The following MAD1L1 variants were observed in gnomAD, a reference collection of about 807,000 sequenced individuals.
MAD1L1 encodes mitotic arrest deficient 1 like 1, also known as mitotic spindle assembly checkpoint protein MAD1.
MAD1L1 carries 95 observed loss-of-function variants against 96.9 expected under a neutral mutation model. The observed-to-expected ratio is 0.98, with a 90% CI of 0.83 to 1.16. The LOEUF is 1.16. Ranked by LOEUF, MAD1L1 falls within the 50% of genes most tolerant of loss-of-function variation. The probability of loss-of-function intolerance (pLI) is 0.00; values close to 1 mark genes in which losing one functional copy is unlikely to be tolerated. For missense variants in MAD1L1, 1,007 were observed against 954.4 expected (o/e 1.06, Z -0.73); for synonymous variants, 473 against 396.6 (o/e 1.19, Z -2.29).
intron 12 of MAD1L1, among the ~76,000 whole-genome samples, chr7:2,033,245 C>A (rs1345818758): frequency 6.6e-6 from 1 of 152,196 alleles, no homozygotes; most frequent in East Asian, 1.9e-4. Context: ...TAACGCACCC[C>A]GGGGGCACAG....
chr7:1,898,794 C>G (rs1787058379), intron 17 of MAD1L1, among the ~76,000 whole-genome samples: 2 of 152,156 alleles, frequency 1.3e-5, no homozygotes, highest in African/African-American at 4.8e-5. Flanking sequence ...TCGCTTGCCC[C>G]AACACTCCGG....
intron 18 of MAD1L1, among the ~76,000 whole-genome samples, chr7:1,897,342 G>A (rs1490566989): frequency 1.3e-5 from 2 of 152,236 alleles, no homozygotes; most frequent in Non-Finnish European, 2.9e-5. Context: ...AGTCCCAGGT[G>A]GGGCCCGTCT....
At chr7:1,988,090 G>C (rs1019729088) in intron 14 of MAD1L1, among the ~76,000 whole-genome samples, 1 of 152,244 alleles carries the variant, frequency 6.6e-6, no homozygotes, top group African/African-American at 2.4e-5. Context: ...TGAGGGAGGG[G>C]AGACCCAGAA....
At chr7:2,069,609 C>T (rs1463198825) in intron 11 of MAD1L1, among the ~76,000 whole-genome samples, 2 of 152,248 alleles carry the variant, frequency 1.3e-5, no homozygotes, top group Non-Finnish European at 2.9e-5. Flanking sequence ...TTGTCGGCGA[C>T]GCAGCCCTTC....
At chr7:1,941,485 C>T (rs1442019817) in intron 16 of MAD1L1, among the ~76,000 whole-genome samples, 2 of 152,260 alleles carry the variant, frequency 1.3e-5, no homozygotes, top group African/African-American at 2.4e-5. Context: ...TCTTCTTAAA[C>T]ACCAATCCTG....
intron 10 of MAD1L1, among the ~76,000 whole-genome samples, chr7:2,209,681 C>T (rs1792797687): frequency 6.6e-6 from 1 of 152,198 alleles, no homozygotes; most frequent in Non-Finnish European, 1.5e-5. Context: ...CTCCTCCACA[C>T]CCACGGGGCC....
At chr7:2,202,589 C>T (rs1053071329) in intron 10 of MAD1L1, among the ~76,000 whole-genome samples, 4 of 152,222 alleles carry the variant, frequency 2.6e-5, no homozygotes, top group African/African-American at 9.6e-5. Flanking sequence ...GCCATGCTCA[C>T]ACAAGTAGCC....
chr7:2,004,796 C>T (rs1273735823), intron 13 of MAD1L1, among the ~76,000 whole-genome samples: 3 of 152,226 alleles, frequency 2.0e-5, no homozygotes, highest in Non-Finnish European at 4.4e-5. Flanking sequence ...AGCCTGAGGC[C>T]GAGGCGTCCA....
intron 17 of MAD1L1, among the ~76,000 whole-genome samples, chr7:1,916,832 C>A (rs1788432965): frequency 6.6e-6 from 1 of 152,184 alleles, no homozygotes. Flanking sequence ...CCGGGCACCC[C>A]CATTTGCCTA....
intron 3 of MAD1L1, among the ~76,000 whole-genome samples, chr7:2,226,425 A>G (rs559802691): frequency 5.4e-5 from 8 of 149,482 alleles, no homozygotes; most frequent in East Asian, 2.0e-4. Context: ...GCCACACAGG[A>G]CTAGTGATTA....
intron 18 of MAD1L1, among the ~76,000 whole-genome samples, chr7:1,855,059 T>G (rs1419597420): frequency 6.6e-6 from 1 of 152,190 alleles, no homozygotes; most frequent in Non-Finnish European, 1.5e-5. Context: ...CATCGGCGGC[T>G]GGGAGTTTTC....
intron 15 of MAD1L1, among the ~76,000 whole-genome samples, chr7:1,979,525 G>A (rs566743419): frequency 4.6e-5 from 7 of 152,384 alleles, no homozygotes; most frequent in Admixed American, 2.0e-4. Context: ...GCACCAAAGC[G>A]GAGCCCGGAG....
intron 11 of MAD1L1, among the ~76,000 whole-genome samples, chr7:2,123,422 TGCAGGACG>T (rs1373501969): frequency 6.6e-6 from 1 of 150,858 alleles, no homozygotes; most frequent in African/African-American, 2.4e-5. Flanking sequence ...TGGGCTGGGG[TGCAGGACG>T]GAGAGAGGGC....
intron 10 of MAD1L1, among the ~76,000 whole-genome samples, chr7:2,171,399 A>G (rs1401049188): frequency 3.3e-5 from 5 of 152,194 alleles, no homozygotes; most frequent in Non-Finnish European, 7.3e-5. Context: ...CCCCACAAAG[A>G]TTCCTCAACC....
In MAD1L1 at chr7:1,939,005, A is replaced by G. The variant is rs1018909125; in HGVS notation, c.1597-2108T>C. Among the ~76,000 whole-genome samples the G allele has an allele frequency of 6.2e-5, 8 of 129,330 alleles. No individual in the cohort carries two copies. In the South Asian group the frequency reaches 8.5e-4, roughly 14 times the overall value. 84.8% of individuals were successfully genotyped at this position (129,330 alleles called of 152,430 possible). A position where few individuals can be genotyped will look rare whatever the true frequency, so the allele number is the denominator to read the frequency against. ...ACCAGAGGCGCACACACACGCACAC[A>G]CACACACACACACACACATGGGCCA... On this transcript the variant is annotated intron_variant, in intron 16 of 18. Transcript: ENST00000265854.
chr7:1,910,343 C>T (rs1340288849), intron 17 of MAD1L1, among the ~76,000 whole-genome samples: 2 of 152,230 alleles, frequency 1.3e-5, no homozygotes, highest in African/African-American at 2.4e-5. Context: ...CAGAAAGATG[C>T]CTGCAGGAGG....
At position 1,816,179 on chromosome 7, in the gene MAD1L1, G is replaced by A; in HGVS notation, c.2048C>T (p.Ser683Leu). 6.2e-7 allele frequency: 1 copy of A among 1,613,474 alleles called. No homozygotes were observed. Among genetic ancestry groups the A allele is most frequent in the Non-Finnish European group, 8.5e-7 (1 of 1,179,878 alleles). ...CTCGATGAGCTCGCCCACGGTGTGT[G>A]AGAACTCTGTCTCCAGTAGCTGCAT... ...SKMQLLETEF[S>L]HTVGELIEVH... The change falls in exon 19 of 19, where the codon TCA becomes TTA. Residue 683 changes from serine (S) to leucine (L), a missense_variant. Ser to Leu is a moderately radical substitution (Grantham distance 145, BLOSUM62 -2). Coordinates refer to ENST00000265854, the MANE Select transcript of MAD1L1 (RefSeq NM_001013836.2).
intron 11 of MAD1L1, among the ~76,000 whole-genome samples, chr7:2,070,950 G>C (rs1280876338): frequency 6.6e-6 from 1 of 152,088 alleles, no homozygotes; most frequent in Non-Finnish European, 1.5e-5. Context: ...CTTCATCCTG[G>C]GGCTGGTGGA....
At chr7:1,880,122 T>C (rs971325925) in intron 18 of MAD1L1, among the ~76,000 whole-genome samples, 6 of 152,212 alleles carry the variant, frequency 3.9e-5, no homozygotes, top group African/African-American at 1.4e-4. Context: ...CAACTAGGAC[T>C]CGCCACAACT....
Sources: gnomAD v4.1 joint callset for allele counts (sites outside exome capture counted in the v4.1 genomes callset) on GRCh38, gnomAD v4.1.1 for gene constraint, MANE v1.5 for transcripts, NCBI Gene and HGNC (gene_info 2026-07-23, HGNC 2026-07-21) for gene names.